Variants in CTNNA2 observed in about 807,000 individuals in gnomAD.
The protein encoded by CTNNA2 is catenin alpha-2.
In CTNNA2, 42 loss-of-function variants were observed where a neutral mutation model predicts 101.0. That is an observed-to-expected ratio of 0.42 (90% CI 0.32 to 0.54). The LOEUF is 0.54. CTNNA2 is among the 20% of genes least tolerant of loss of function. The probability of loss-of-function intolerance (pLI) is 0.14; values close to 1 mark genes in which losing one functional copy is unlikely to be tolerated. For missense variants in CTNNA2, 871 were observed against 1,223.1 expected (o/e 0.71, Z 4.29); for synonymous variants, 450 against 456.4 (o/e 0.99, Z 0.18).
chr2:79,713,317 A>T (rs930367985), intron 2 of CTNNA2, among the ~76,000 whole-genome samples: 1 of 152,174 alleles, frequency 6.6e-6, no homozygotes, highest in Non-Finnish European at 1.5e-5. Context: ...ACTGTGGCTT[A>T]TGCCTGTAAT....
At chr2:80,387,014 T>C (rs1677069440) in intron 7 of CTNNA2, among the ~76,000 whole-genome samples, 1 of 152,082 alleles carries the variant, frequency 6.6e-6, no homozygotes, top group African/African-American at 2.4e-5. Flanking sequence ...GGGGCTGGGA[T>C]GGGAACAGCC....
chr2:80,483,823 G>A lies in CTNNA2; in HGVS notation c.1291-61159G>A, dbSNP rs185261726. On this transcript the variant is annotated intron_variant, in intron 9 of 18. Transcript: ENST00000402739. Reference sequence around the variant, plus strand: ...AACATCTGAAAAAGTACTCTGTGCTGAAGAATGAATAGTGAGACTTCAGTC... The same window carrying A: ...AACATCTGAAAAAGTACTCTGTGCTAAAGAATGAATAGTGAGACTTCAGTC... Among the ~76,000 whole-genome samples, 535 of 152,226 alleles carry A rather than the reference G, an allele frequency of 3.5e-3. 5 individuals carry two copies. The highest frequency in any genetic ancestry group is 0.014 in the Middle Eastern group (4 of 294).
intron 2 of CTNNA2, among the ~76,000 whole-genome samples, chr2:79,225,673 A>C (rs1483302064): frequency 6.6e-6 from 1 of 152,162 alleles, no homozygotes; most frequent in Non-Finnish European, 1.5e-5. Flanking sequence ...CTGGAGTTTG[A>C]CAAATGAGTA....
rs139180972 is a variant in CTNNA2 at position 79,688,383 on chromosome 2, G to T, written c.102+36725G>T. Among the ~76,000 whole-genome samples, 820 of 151,816 alleles carry T rather than the reference G, an allele frequency of 5.4e-3. 5 individuals are homozygous for T. The highest frequency in any genetic ancestry group is 8.8e-3 in the Non-Finnish European group (599 of 67,908). ...TGTGTACTCTGTTTTGAGAATTAAG[G>T]CTTTAAAATGGCAACAAATAAAGAG... On this transcript the variant is annotated intron_variant, in intron 2 of 18. Coordinates refer to ENST00000402739, the MANE Select transcript of CTNNA2 (RefSeq NM_001282597.3).
chr2:79,886,104 G>A (rs976922684), intron 6 of CTNNA2, among the ~76,000 whole-genome samples: 6 of 152,196 alleles, frequency 3.9e-5, no homozygotes, highest in Non-Finnish European at 8.8e-5. Context: ...TGCTGCATAC[G>A]CTTACGTATA....
chr2:79,428,677 G>A (rs1035931109), intron 4 of CTNNA2, among the ~76,000 whole-genome samples: 3 of 151,974 alleles, frequency 2.0e-5, no homozygotes, highest in Admixed American at 1.3e-4. Context: ...ATGCCTCAGC[G>A]TACAGTAGGT....
At chr2:79,375,067 G>T (rs1211498143) in intron 4 of CTNNA2, among the ~76,000 whole-genome samples, 2 of 152,178 alleles carry the variant, frequency 1.3e-5, no homozygotes, top group Admixed American at 1.3e-4. Flanking sequence ...ATTCCTTGTG[G>T]TTTCATAGCC....
intron 6 of CTNNA2, among the ~76,000 whole-genome samples, chr2:79,877,627 T>TA (rs1274001052): frequency 6.6e-6 from 1 of 152,200 alleles, no homozygotes; most frequent in Non-Finnish European, 1.5e-5. Context: ...TCTCAGATAT[T>TA]AAACAAATTG....
chr2:80,342,888 C>T (rs1672367627), intron 7 of CTNNA2, among the ~76,000 whole-genome samples: 1 of 152,168 alleles, frequency 6.6e-6, no homozygotes, highest in Non-Finnish European at 1.5e-5. Flanking sequence ...AAGGTATCAG[C>T]ATGGGAGGTT....
At chr2:79,503,087 C>A (rs1671338395) in intron 4 of CTNNA2, among the ~76,000 whole-genome samples, 1 of 152,154 alleles carries the variant, frequency 6.6e-6, no homozygotes, top group Admixed American at 6.5e-5. Context: ...ACCAGGCAAC[C>A]ACCTGGTATC....
chr2:79,689,227 CAT>C (rs1013634370), intron 2 of CTNNA2, among the ~76,000 whole-genome samples: 3 of 151,842 alleles, frequency 2.0e-5, no homozygotes, highest in African/African-American at 7.3e-5. Flanking sequence ...TCAAAAATCA[CAT>C]GTCTGGATTT....
chr2:79,715,205 CAAAAAAAAAAAAAAAAA>C lies in CTNNA2; in HGVS notation c.103-29174_103-29158del, dbSNP rs140432724. Among the ~76,000 whole-genome samples the C allele has an allele frequency of 3.0e-5, 2 of 66,336 alleles. 1 individual carries two copies. The highest frequency in any genetic ancestry group is 1.3e-4 in the African/African-American group (2 of 15,038). The allele number at this position is 66,336 out of a possible 152,430, so 43.5% of individuals were successfully genotyped here. A position where few individuals can be genotyped will look rare whatever the true frequency, so the allele number is the denominator to read the frequency against. ...CTGGGCAACAAGAGCAAAATTCCGTCAAAAAAAAAAAAAAAAAAAAAAAACCCACAGAGGAAGAGTTA... is the reference window on the plus strand; with the variant it reads ...CTGGGCAACAAGAGCAAAATTCCGTCAAAAAAACCCACAGAGGAAGAGTTA... On this transcript the variant is annotated intron_variant, in intron 2 of 18. Coordinates refer to ENST00000402739, the MANE Select transcript of CTNNA2 (RefSeq NM_001282597.3).
chr2:80,486,435 A>G (rs920203947), intron 9 of CTNNA2, among the ~76,000 whole-genome samples: 5 of 152,202 alleles, frequency 3.3e-5, no homozygotes, highest in African/African-American at 1.2e-4. Context: ...ATGGAAACAC[A>G]TTTGTAATAC....
chr2:80,313,683 G>C, intron 7 of CTNNA2: 1 of 1,550,902 alleles, frequency 6.4e-7, no homozygotes, highest in South Asian at 1.2e-5. Flanking sequence ...TAAGAAAGGA[G>C]TGTGAATTTA....
chr2:80,244,735 CA>C (rs1329168881), intron 7 of CTNNA2, among the ~76,000 whole-genome samples: 1 of 152,188 alleles, frequency 6.6e-6, no homozygotes, highest in Admixed American at 6.5e-5. Context: ...ATCTTAAAAT[CA>C]TATAACCAGG....
intron 9 of CTNNA2, among the ~76,000 whole-genome samples, chr2:80,469,991 T>A (rs757767432): frequency 1.3e-5 from 2 of 152,084 alleles, no homozygotes; most frequent in African/African-American, 4.8e-5. Flanking sequence ...TGGGCAAGGG[T>A]GGCTCCTCTA....
intron 7 of CTNNA2, among the ~76,000 whole-genome samples, chr2:80,024,000 C>T (rs13397855): frequency 0.055 from 8,250 of 149,848 alleles, 640 homozygotes; most frequent in African/African-American, 0.17. Context: ...GGCGGGAGAA[C>T]GGCGTAAACC....
chr2:79,845,241 A>C (rs1680146730), intron 3 of CTNNA2, among the ~76,000 whole-genome samples: 1 of 139,652 alleles, frequency 7.2e-6, no homozygotes, highest in African/African-American at 2.7e-5. Context: ...GTTGTTCTGC[A>C]GGTGATTCTT....
chr2:79,756,651 G>GA (rs1286649383), intron 3 of CTNNA2, among the ~76,000 whole-genome samples: 1 of 152,002 alleles, frequency 6.6e-6, no homozygotes, highest in African/African-American at 2.4e-5. Context: ...TAAACTGCAA[G>GA]AAAAAACTGG....
Sources: gnomAD v4.1 joint callset for allele counts (sites outside exome capture counted in the v4.1 genomes callset) on GRCh38, gnomAD v4.1.1 for gene constraint, MANE v1.5 for transcripts, NCBI Gene and HGNC (gene_info 2026-07-23, HGNC 2026-07-21) for gene names.